Variants in SEC24D observed in about 807,000 individuals in gnomAD.
SEC24D encodes the protein SEC24 homolog D, COPII component, also known as protein transport protein Sec24D.
In SEC24D, 69 loss-of-function variants were observed where a neutral mutation model predicts 116.9. The ratio of observed to expected loss-of-function variants is 0.59; its 90% CI spans 0.49 to 0.72. SEC24D has a LOEUF of 0.72. Ranked by LOEUF, SEC24D falls within the 30% of genes least tolerant of loss-of-function variation. The pLI is 0.00. For missense variants in SEC24D, 1,131 were observed against 1,264.1 expected (o/e 0.89, Z 1.60); for synonymous variants, 405 against 442.8 (o/e 0.91, Z 1.07).
In SEC24D at chr4:118,817,376, G is replaced by C; in HGVS notation, c.285C>G (p.Ser95=). ...CAGAGGGTTGGTATGGTGCATGTGA[G>C]GATGCCACATTGTTGACAGGTGGAG... The part of the protein sequence containing the change: ...PGPPPVNNVA[S]SHAPYQPSAQ... Residue 95 remains serine (S), a synonymous_variant, in exon 4 of 23, where the codon TCC becomes TCG. Transcript: ENST00000280551. The C allele has an allele frequency of 6.2e-7, 1 of 1,611,932 alleles. No homozygotes were observed. Among genetic ancestry groups the C allele is most frequent in the Non-Finnish European group, 8.5e-7 (1 of 1,178,936 alleles).
chr4:118,732,651 T>G, intron 20 of SEC24D, 82 bp downstream of exon 20: 1 of 1,304,928 alleles, frequency 7.7e-7, no homozygotes, highest in Non-Finnish European at 1.1e-6. Flanking sequence ...AACAACATAT[T>G]TCAGATATAA....
intron 15 of SEC24D, among the ~76,000 whole-genome samples, chr4:118,742,505 T>G (rs980462443): frequency 6.6e-6 from 1 of 152,212 alleles, no homozygotes; most frequent in Non-Finnish European, 1.5e-5. Context: ...GAATTCTGTA[T>G]GATTATTAAA....
intron 2 of SEC24D, among the ~76,000 whole-genome samples, chr4:118,832,952 A>G (rs1730928491): frequency 6.6e-6 from 1 of 152,190 alleles, no homozygotes; most frequent in South Asian, 2.1e-4. Flanking sequence ...AATAAATCAT[A>G]AGACTGACTT....
intron 8 of SEC24D, among the ~76,000 whole-genome samples, chr4:118,791,986 T>C (rs971192218): frequency 6.9e-6 from 1 of 144,928 alleles, no homozygotes; most frequent in African/African-American, 2.6e-5. Flanking sequence ...TGGCCGCCCA[T>C]TGTCTGGGAA....
intron 11 of SEC24D, 102 bp downstream of exon 11, chr4:118,757,619 A>G: frequency 1.9e-6 from 2 of 1,074,972 alleles, no homozygotes; most frequent in South Asian, 3.0e-5. Context: ...CAGTGTCCTC[A>G]TTAGCAAAAA....
chr4:118,800,794 C>T (rs116173135), intron 7 of SEC24D, among the ~76,000 whole-genome samples: 7,035 of 152,174 alleles, frequency 0.046, 211 homozygotes, highest in Non-Finnish European at 0.064. Context: ...GGAGGTTATG[C>T]GACTTTCCAA....
intron 8 of SEC24D, among the ~76,000 whole-genome samples, chr4:118,770,537 T>G (rs566051338): frequency 3.3e-5 from 5 of 152,328 alleles, no homozygotes; most frequent in Non-Finnish European, 7.4e-5. Flanking sequence ...GGAGAAATTC[T>G]GCAGTTTCCA....
chr4:118,743,481 A>G (rs1479192121), intron 15 of SEC24D, among the ~76,000 whole-genome samples: 1 of 152,148 alleles, frequency 6.6e-6, no homozygotes, highest in African/African-American at 2.4e-5. Context: ...ATATTTGCAT[A>G]TAACCTACAC....
At chr4:118,736,414 C>T (rs1725961880) in intron 19 of SEC24D, 1 of 158,974 alleles carries the variant, frequency 6.3e-6, no homozygotes, top group South Asian at 1.7e-4. Context: ...TCCAGCAATT[C>T]AGTAAAAGTA....
At chr4:118,778,250 T>G (rs1368592424) in intron 8 of SEC24D, among the ~76,000 whole-genome samples, 1 of 152,250 alleles carries the variant, frequency 6.6e-6, no homozygotes, top group Non-Finnish European at 1.5e-5. Context: ...GTCTAACATT[T>G]AAGTCTTTAA....
At chr4:118,786,477 T>C (rs1209689324) in intron 8 of SEC24D, among the ~76,000 whole-genome samples, 2 of 152,302 alleles carry the variant, frequency 1.3e-5, no homozygotes, top group African/African-American at 4.8e-5. Flanking sequence ...CTGGTACTCT[T>C]GAATTATCTA....
At chr4:118,758,134 T>C (rs2110463513) in intron 10 of SEC24D, among the ~76,000 whole-genome samples, 1 of 152,332 alleles carries the variant, frequency 6.6e-6, no homozygotes, top group East Asian at 1.9e-4. Flanking sequence ...GCTTTATTAT[T>C]ACAGTTGCTG....
At chr4:118,731,936 G>C (rs941006752) in intron 20 of SEC24D, among the ~76,000 whole-genome samples, 1 of 151,926 alleles carries the variant, frequency 6.6e-6, no homozygotes, top group Non-Finnish European at 1.5e-5. Context: ...CTAGTGCACT[G>C]GTCCTAAAGC....
In SEC24D at chr4:118,757,854, A is replaced by T; in HGVS notation, c.1297-9T>A. 1 of 1,592,444 alleles carries T rather than the reference A, an allele frequency of 6.3e-7. No homozygotes were observed. Among genetic ancestry groups the T allele is most frequent in the Non-Finnish European group, 8.5e-7 (1 of 1,172,422 alleles). On this transcript the variant is annotated splice_polypyrimidine_tract_variant and intron_variant, in intron 10 of 22. Coordinates refer to ENST00000280551, the MANE Select transcript of SEC24D (RefSeq NM_014822.4). ...TTGGGAGGCTTACTCTTCTATAGGA[A>T]AGCAAACACATCACATAAATAAAGT...
At position 118,759,233 on chromosome 4, in the gene SEC24D, G is replaced by A. The variant is rs146122215; in HGVS notation, c.1297-1388C>T. Among the ~76,000 whole-genome samples, 488 of 152,192 alleles carry A rather than the reference G, an allele frequency of 3.2e-3. 5 individuals carry two copies. Among genetic ancestry groups the A allele is most frequent in the African/African-American group, 0.011 (459 of 41,526 alleles). On this transcript the variant is annotated intron_variant, in intron 10 of 22. Coordinates refer to ENST00000280551, the MANE Select transcript of SEC24D (RefSeq NM_014822.4). ...TCCCATTTCTCTATATGGGAATAAC[G>A]TCACTACATGCCAACTCAAGGCTTC...
intron 19 of SEC24D, 141 bp downstream of exon 19, chr4:118,738,120 C>G: frequency 1.7e-6 from 1 of 584,946 alleles, no homozygotes; most frequent in South Asian, 2.7e-5. Flanking sequence ...CCCCAAATTG[C>G]ATTCTTAATC....
At chr4:118,728,744 C>A (rs1315766624) in intron 21 of SEC24D, 94 bp from the exon 22 acceptor site, 2 of 751,854 alleles carry the variant, frequency 2.7e-6, no homozygotes, top group Non-Finnish European at 4.2e-6. Context: ...AACATAAAAC[C>A]ATGTACTTGA....
intron 8 of SEC24D, among the ~76,000 whole-genome samples, chr4:118,795,606 C>T (rs1288530138): frequency 6.6e-6 from 1 of 152,202 alleles, no homozygotes; most frequent in Non-Finnish European, 1.5e-5. Context: ...ATACATGCAA[C>T]ATCACAATGG....
chr4:118,749,967 T>C (rs548341444), intron 13 of SEC24D, among the ~76,000 whole-genome samples: 5 of 152,346 alleles, frequency 3.3e-5, no homozygotes, highest in African/African-American at 1.2e-4. Flanking sequence ...ATACTACTCA[T>C]TAAGTTTGTA....
Sources: allele counts gnomAD v4.1 joint callset (sites outside exome capture counted in the v4.1 genomes callset), GRCh38; gene constraint gnomAD v4.1.1; transcripts MANE v1.5; gene names NCBI Gene and HGNC (gene_info 2026-07-23, HGNC 2026-07-21).